The following TAOK3 variants were observed in gnomAD, a reference collection of about 807,000 sequenced individuals.
The protein encoded by TAOK3 is serine/threonine-protein kinase TAO3.
In TAOK3, 40 loss-of-function variants were observed where a neutral mutation model predicts 120.4. The ratio of observed to expected loss-of-function variants is 0.33; its 90% CI spans 0.26 to 0.43. TAOK3 has a LOEUF of 0.43. Among genes scored for constraint, TAOK3 ranks in the 20% least tolerant of loss-of-function variants. The probability of loss-of-function intolerance (pLI) is 1.00; values close to 1 mark genes in which losing one functional copy is unlikely to be tolerated. For missense variants in TAOK3, 821 were observed against 1,112.1 expected (o/e 0.74, Z 3.72); for synonymous variants, 355 against 387.5 (o/e 0.92, Z 0.99).
chr12:118,260,007 C>T (rs995534795), intron 2 of TAOK3, among the ~76,000 whole-genome samples: 1 of 152,162 alleles, frequency 6.6e-6, no homozygotes, highest in African/African-American at 2.4e-5. Flanking sequence ...CTCATTCCCC[C>T]TAGCCAGGAT....
chr12:118,292,473 T>C (rs1259164552), intron 1 of TAOK3, among the ~76,000 whole-genome samples: 2 of 152,210 alleles, frequency 1.3e-5, no homozygotes, highest in Admixed American at 6.5e-5. Flanking sequence ...TAACATTTAC[T>C]GAATGTTCAC....
At chr12:118,226,322 G>A (rs2139723901) in intron 9 of TAOK3, among the ~76,000 whole-genome samples, 1 of 152,232 alleles carries the variant, frequency 6.6e-6, no homozygotes, top group Non-Finnish European at 1.5e-5. Flanking sequence ...CTTGCAGTGA[G>A]CTGAGATTGC....
At chr12:118,363,753 T>TGAGA (rs767321622) in intron 1 of TAOK3, among the ~76,000 whole-genome samples, 2 of 147,840 alleles carry the variant, frequency 1.4e-5, no homozygotes, top group Admixed American at 6.8e-5. Flanking sequence ...TGTGTGTGTG[T>TGAGA]GTGAGAGAGA....
rs141813879 is a variant in TAOK3, at chr12:118,253,503, C to A, written c.120+1945G>T. 2.2e-3 allele frequency among the ~76,000 whole-genome samples: 331 copies of A among 151,504 alleles called. 2 individuals carry two copies. Among genetic ancestry groups the A allele is most frequent in the African/African-American group, 7.1e-3 (293 of 41,278 alleles). On this transcript the variant is annotated intron_variant, in intron 3 of 20. Coordinates refer to ENST00000392533, the MANE Select transcript of TAOK3 (RefSeq NM_016281.4). ...TGTAATCCCAGCACTTTGGGGAGGCCGAGACGGGTAGATCACCTGAAGTCA... is the reference window on the plus strand; with the variant it reads ...TGTAATCCCAGCACTTTGGGGAGGCAGAGACGGGTAGATCACCTGAAGTCA...
chr12:118,329,577 C>T (rs1045489693), intron 1 of TAOK3, among the ~76,000 whole-genome samples: 10 of 152,234 alleles, frequency 6.6e-5, no homozygotes, highest in Middle Eastern at 3.4e-3. Flanking sequence ...ATGTCCCATA[C>T]TTATGGGGGG....
At chr12:118,361,324 G>A (rs879370909) in intron 1 of TAOK3, among the ~76,000 whole-genome samples, 2 of 152,136 alleles carry the variant, frequency 1.3e-5, no homozygotes, top group Non-Finnish European at 2.9e-5. Flanking sequence ...AGTAGGAATG[G>A]CTTTCATTTG....
chr12:118,281,107 C>T (rs1043435803), intron 1 of TAOK3, among the ~76,000 whole-genome samples: 7 of 152,164 alleles, frequency 4.6e-5, no homozygotes, highest in African/African-American at 1.2e-4. Flanking sequence ...AGAGGCTATG[C>T]GGTTTTCTAG....
chr12:118,266,491 C>T (rs966506207), intron 2 of TAOK3, among the ~76,000 whole-genome samples, 164 bp downstream of exon 2: 10 of 152,148 alleles, frequency 6.6e-5, no homozygotes, highest in East Asian at 1.9e-4. Flanking sequence ...CATGAGCCAC[C>T]GCACCCGGCC....
At chr12:118,304,849 T>C (rs1473760850) in intron 1 of TAOK3, among the ~76,000 whole-genome samples, 1 of 152,200 alleles carries the variant, frequency 6.6e-6, no homozygotes, top group African/African-American at 2.4e-5. Flanking sequence ...TTTCCGTTGC[T>C]ATGAAAGGCA....
intron 1 of TAOK3, among the ~76,000 whole-genome samples, chr12:118,348,730 G>A (rs918341149): frequency 2.0e-5 from 3 of 151,776 alleles, no homozygotes; most frequent in Non-Finnish European, 1.5e-5. Flanking sequence ...GATTACAGGC[G>A]TGAGCCACTG....
At chr12:118,182,603 A>G (rs867814737) in intron 14 of TAOK3, among the ~76,000 whole-genome samples, 963 of 89,846 alleles carry the variant, frequency 0.011, 5 homozygotes, top group Non-Finnish European at 0.012. Flanking sequence ...GTGTGTGTAT[A>G]TATATATATA....
At chr12:118,369,291 A>AC (rs548215161) in intron 1 of TAOK3, among the ~76,000 whole-genome samples, 33 of 152,264 alleles carry the variant, frequency 2.2e-4, no homozygotes, top group Admixed American at 9.8e-4. Flanking sequence ...CAAATGAAAA[A>AC]ATTTTTCACA....
In TAOK3 at chr12:118,201,295, C is replaced by A. The variant is rs2038008928; in HGVS notation, c.987+1G>T. On this transcript the variant is annotated splice_donor_variant, in intron 12 of 20. Coordinates refer to ENST00000392533, the MANE Select transcript of TAOK3 (RefSeq NM_016281.4). LOFTEE classifies it high-confidence loss of function. ...TGCCTGCTAAAATAAATTGAACCTA[C>A]TTCCTCATCCTCCTGTGACTCATTC... The A allele has an allele frequency of 1.9e-6, 3 of 1,611,396 alleles. No homozygotes were observed. Among genetic ancestry groups the A allele is most frequent in the Non-Finnish European group, 2.5e-6 (3 of 1,178,946 alleles).
chr12:118,282,464 G>A (rs16948234), intron 1 of TAOK3, among the ~76,000 whole-genome samples: 18,509 of 152,166 alleles, frequency 0.12, 1,216 homozygotes, highest in Middle Eastern at 0.15. Flanking sequence ...TATGTTGTGG[G>A]AGTTCATTGA....
Position 118,238,183 on chromosome 12 carries a change from A to G in TAOK3, c.341-14T>C. ...GTTTTTTATGAACTGAGGAAGGAAAAAAAAAAAAGTCAGTAGATGATCAGT... is the reference window on the plus strand; with the variant it reads ...GTTTTTTATGAACTGAGGAAGGAAAGAAAAAAAAGTCAGTAGATGATCAGT... On this transcript the variant is annotated splice_polypyrimidine_tract_variant and intron_variant, in intron 6 of 20. Transcript: ENST00000392533. 1.3e-6 allele frequency: 2 copies of G among 1,547,234 alleles called. No individual in the cohort carries two copies. Among genetic ancestry groups the G allele is most frequent in the Non-Finnish European group, 8.9e-7 (1 of 1,125,280 alleles).
At chr12:118,183,167 C>T (rs2036873465) in intron 14 of TAOK3, among the ~76,000 whole-genome samples, 1 of 152,150 alleles carries the variant, frequency 6.6e-6, no homozygotes. Flanking sequence ...AGGAAATTTT[C>T]AAGCTGCTAT....
chr12:118,363,569 G>C (rs1343382148), intron 1 of TAOK3, among the ~76,000 whole-genome samples: 2 of 152,136 alleles, frequency 1.3e-5, no homozygotes, highest in Non-Finnish European at 2.9e-5. Flanking sequence ...AGAGTAGCAA[G>C]GAGGATAATC....
intron 1 of TAOK3, among the ~76,000 whole-genome samples, chr12:118,369,618 T>C (rs560868932): frequency 6.6e-6 from 1 of 152,338 alleles, no homozygotes; most frequent in South Asian, 2.1e-4. Flanking sequence ...ATTGAGATTC[T>C]CAATCCTTCC....
chr12:118,207,082 C>G (rs984551677), intron 11 of TAOK3, among the ~76,000 whole-genome samples: 1 of 151,818 alleles, frequency 6.6e-6, no homozygotes, highest in African/African-American at 2.4e-5. Context: ...ATCCCAGCAC[C>G]TTGGGAGGCC....
Sources: gnomAD v4.1 joint callset for allele counts (sites outside exome capture counted in the v4.1 genomes callset) on GRCh38, gnomAD v4.1.1 for gene constraint, MANE v1.5 for transcripts, NCBI Gene and HGNC (gene_info 2026-07-23, HGNC 2026-07-21) for gene names.